The following ITPR3 variants were observed in gnomAD, a reference collection of about 807,000 sequenced individuals.
ITPR3 encodes the protein inositol 1,4,5-trisphosphate receptor type 3, also known as inositol 1,4,5-trisphosphate-gated calcium channel ITPR3.
ITPR3 carries 173 observed loss-of-function variants against 293.2 expected under a neutral mutation model. The observed-to-expected ratio is 0.59, with a 90% CI of 0.52 to 0.67. The LOEUF (loss-of-function observed/expected upper bound fraction) is 0.67. Among genes scored for constraint, ITPR3 ranks in the 30% least tolerant of loss-of-function variants. The pLI is 0.00. For synonymous variants in ITPR3, 1,295 were observed against 1,444.4 expected (o/e 0.90, Z 2.35); for missense variants, 2,796 against 3,592.1 (o/e 0.78, Z 5.66).
rs370536063 is a variant in ITPR3, at chr6:33,654,845, T to C, written c.161-921T>C. ...CTGCTTCCCAGCCCAGCCCAGGCTA[T>C]TGTCACACAGGCCCAGTCACCCACA... On this transcript the variant is annotated intron_variant, in intron 2 of 57. Coordinates refer to ENST00000605930, the MANE Select transcript of ITPR3 (RefSeq NM_002224.4). The surrounding 1 kb of genome is among the most constrained non-coding windows in gnomAD (Gnocchi z 4.1). Among the ~76,000 whole-genome samples the C allele has an allele frequency of 1.2e-4, 18 of 152,238 alleles. No homozygotes were observed. In the South Asian group the frequency reaches 3.7e-3, roughly 32 times the overall value.
Position 33,663,770 on chromosome 6 carries a change from T to C in ITPR3, c.1038T>C (p.Ala346=). Reference sequence around the variant, plus strand: ...AGGGCCGCACAGGCCGCAGGAATGCTGGGGAGAAGATCAAGTACTGCCTGG... The same window carrying C: ...AGGGCCGCACAGGCCGCAGGAATGCCGGGGAGAAGATCAAGTACTGCCTGG... ...GAQGRTGRRN[A]GEKIKYCLVA... is the part of the protein sequence containing the mutation. Residue 346 remains alanine, a synonymous_variant, in exon 11 of 58, where the codon GCT becomes GCC. Coordinates refer to ENST00000605930, the MANE Select transcript of ITPR3 (RefSeq NM_002224.4). 2 of 1,614,156 alleles carry C rather than the reference T, an allele frequency of 1.2e-6. No individual in the cohort carries two copies. Among genetic ancestry groups the C allele is most frequent in the South Asian group, 1.1e-5 (1 of 91,078 alleles).
At chr6:33,653,886 T>C (rs1434053502) in intron 2 of ITPR3, among the ~76,000 whole-genome samples, 2 of 152,034 alleles carry the variant, frequency 1.3e-5, no homozygotes, top group Non-Finnish European at 2.9e-5. Context: ...ATCCACAAAA[T>C]GATGTGGGGA....
intron 1 of ITPR3, among the ~76,000 whole-genome samples, chr6:33,640,221 G>C (rs1763916712): frequency 6.6e-6 from 1 of 152,100 alleles, no homozygotes; most frequent in Non-Finnish European, 1.5e-5. Context: ...AGTCCCCCCA[G>C]GACAGCTGCA....
rs181645216 is a variant in ITPR3 at position 33,664,550 on chromosome 6, A to G, written c.1149-320A>G. On this transcript the variant is annotated intron_variant, in intron 11 of 57. Coordinates refer to ENST00000605930, the MANE Select transcript of ITPR3 (RefSeq NM_002224.4). The surrounding 1 kb of genome is among the most constrained non-coding windows in gnomAD (Gnocchi z 4.4). ...TGTGTGCATCTTGACATTCAATGGG[A>G]TAAATAGTTAAATAGCCTCATTTGT... 6.6e-6 allele frequency among the ~76,000 whole-genome samples: 1 copy of G among 152,284 alleles called. No homozygotes were observed. The highest frequency in any genetic ancestry group is 1.9e-4 in the East Asian group (1 of 5,190).
At chr6:33,644,476 T>C (rs902607023) in intron 2 of ITPR3, among the ~76,000 whole-genome samples, 5 of 151,944 alleles carry the variant, frequency 3.3e-5, no homozygotes, top group Admixed American at 1.3e-4. Flanking sequence ...GCCCCCTACA[T>C]CTTCCTCCCT....
In ITPR3 at chr6:33,679,925, A is replaced by G; in HGVS notation, c.4016A>G (p.Lys1339Arg). The change falls in exon 31 of 58, where the codon AAG (lysine) becomes AGG (arginine). Residue 1339 changes from lysine (K) to arginine (R), a missense_variant. Lys to Arg is a conservative substitution (Grantham distance 26). Transcript: ENST00000605930. This position sits in a 1 kb window ranked among gnomAD's most constrained non-coding sequence, Gnocchi z 4.2. Reference protein sequence around the residue: ...GDDVVVFYNDKASLAHLLDMM... With the variant: ...GDDVVVFYNDRASLAHLLDMM... ...GATGTGGTCGTGTTCTACAATGATA[A>G]GGCATCGCTGGCCCACCTGCTGGAC... 15 of 1,613,748 alleles carry G rather than the reference A, an allele frequency of 9.3e-6. No homozygotes were observed. Among genetic ancestry groups the G allele is most frequent in the Non-Finnish European group, 1.3e-5 (15 of 1,179,982 alleles).
intron 2 of ITPR3, among the ~76,000 whole-genome samples, chr6:33,643,437 G>A (rs527324188): frequency 3.9e-5 from 6 of 152,312 alleles, no homozygotes; most frequent in African/African-American, 1.2e-4. Context: ...ACATGTTCAG[G>A]GAATTATTTC....
In ITPR3 at chr6:33,655,849, GAGA is replaced by G. The variant is rs747804133; in HGVS notation, c.248_250del (p.Lys83del). On this transcript the variant is annotated inframe_deletion, in exon 3 of 58. Transcript: ENST00000605930. The surrounding 1 kb of genome is among the most constrained non-coding windows in gnomAD (Gnocchi z 4.9). The stretch of plus-strand genomic sequence containing the variant: ...GGCCAAGCAGACTAAGCAGGACAAG[GAGA>G]AGATCGCTGATGTGGTGTTGCTGCA... 3 of 1,613,992 alleles carry G rather than the reference GAGA, an allele frequency of 1.9e-6. No individual in the cohort carries two copies. The African/African-American group carries it at 4.0e-5, about 22-fold the overall frequency.
At position 33,675,573 on chromosome 6, in the gene ITPR3, G is replaced by T; in HGVS notation, c.3117-118G>T. ...CAATATTTTAAACACATTTAGACTG[G>T]CCCTGCATCTGCTAATTGGGTGGCG... is the stretch of plus-strand genomic sequence containing the variant. On this transcript the variant is annotated intron_variant, in intron 24 of 57. Coordinates refer to ENST00000605930, the MANE Select transcript of ITPR3 (RefSeq NM_002224.4). This position sits in a 1 kb window ranked among gnomAD's most constrained non-coding sequence, Gnocchi z 5.0. 2 of 1,093,208 alleles carry T rather than the reference G, an allele frequency of 1.8e-6. No homozygotes were observed. Among genetic ancestry groups the T allele is most frequent in the South Asian group, 3.2e-5 (2 of 62,144 alleles). The allele number at this position is 1,093,208 out of a possible 1,614,324, so 67.7% of individuals were successfully genotyped here.
intron 24 of ITPR3, among the ~76,000 whole-genome samples, 198 bp downstream of exon 24, chr6:33,674,463 C>T (rs972183336): frequency 1.3e-5 from 2 of 152,240 alleles, no homozygotes; most frequent in African/African-American, 4.8e-5. Context: ...GGTTCCCAGT[C>T]ATCCCGTCAT....
rs1351581317 is a variant in ITPR3, at chr6:33,675,752, A to G, written c.3178A>G (p.Ile1060Val). The change falls in exon 25 of 58, where the codon ATC (isoleucine) becomes GTC (valine). Residue 1060 changes from isoleucine to valine, a missense_variant. Coordinates refer to ENST00000605930, the MANE Select transcript of ITPR3 (RefSeq NM_002224.4). This position sits in a 1 kb window ranked among gnomAD's most constrained non-coding sequence, Gnocchi z 5.0. The stretch of plus-strand genomic sequence containing the variant: ...CGGCCGCATGTTCCTGCGCGTGCTC[A>G]TCCACCTCACCATGCACGACTATGC... The part of the protein sequence containing the change: ...EGGRMFLRVL[I>V]HLTMHDYAPL... 2 of 1,613,092 alleles carry G rather than the reference A, an allele frequency of 1.2e-6. No individual in the cohort carries two copies. Among genetic ancestry groups the G allele is most frequent in the Non-Finnish European group, 1.7e-6 (2 of 1,179,916 alleles).
In ITPR3 at chr6:33,691,715, G is replaced by A; in HGVS notation, c.7326G>A (p.Leu2442=). The change falls in exon 53 of 58, where the codon CTG becomes CTA. Residue 2442 remains leucine, a synonymous_variant. Transcript: ENST00000605930. This position sits in a 1 kb window ranked among gnomAD's most constrained non-coding sequence, Gnocchi z 4.9. ...CVSGLSVPEV[L]EEDRELDSTE... Reference sequence around the variant, plus strand: ...CAGGGCTCTCGGTGCCTGAGGTCCTGGAAGGTGAGGGTGGTGTGTGTGCAG... The same window carrying A: ...CAGGGCTCTCGGTGCCTGAGGTCCTAGAAGGTGAGGGTGGTGTGTGTGCAG... 6.2e-7 allele frequency: 1 copy of A among 1,614,088 alleles called. No homozygotes were observed. The highest frequency in any genetic ancestry group is 8.5e-7 in the Non-Finnish European group (1 of 1,179,988).
chr6:33,621,614 G>A lies in ITPR3; in HGVS notation c.12G>A (p.Met4Ile), dbSNP rs773041390. Residue 4 changes from methionine to isoleucine, a missense_variant, in exon 1 of 58, where the codon ATG (methionine) becomes ATA (isoleucine). Transcript: ENST00000605930. The surrounding 1 kb of genome is among the most constrained non-coding windows in gnomAD (Gnocchi z 7.7). MSEMSSFLHIGDIV... is the reference protein window; with the variant it reads MSEISSFLHIGDIV... ...GGAGGGCCGCAGCCATGAGTGAAAT[G>A]TCCAGCTTTCTTCACATCGGGGACA... The A allele has an allele frequency of 2.6e-5, 41 of 1,601,942 alleles. No homozygotes were observed. Among genetic ancestry groups the A allele is most frequent in the African/African-American group, 8.0e-5 (6 of 74,810 alleles).
chr6:33,634,251 GT>G (rs1455441731), intron 1 of ITPR3, among the ~76,000 whole-genome samples: 1 of 151,990 alleles, frequency 6.6e-6, no homozygotes, highest in Non-Finnish European at 1.5e-5. Flanking sequence ...CACACACCAG[GT>G]GGGGGCTGCG....
At chr6:33,635,930 T>A (rs1331200346) in intron 1 of ITPR3, among the ~76,000 whole-genome samples, 2 of 151,828 alleles carry the variant, frequency 1.3e-5, no homozygotes, top group Non-Finnish European at 2.9e-5. Flanking sequence ...TTGGTTTTAT[T>A]CTGAGATGGG....
chr6:33,662,993 A>G lies in ITPR3; in HGVS notation c.941A>G (p.Tyr314Cys). 2 of 1,599,604 alleles carry G rather than the reference A, an allele frequency of 1.3e-6. No individual in the cohort carries two copies. Among genetic ancestry groups the G allele is most frequent in the South Asian group, 2.3e-5 (2 of 88,546 alleles). ...TTCAAGCACCTGGCTACAGGCAACT[A>G]CCTGGCTGCTGAGGTGAGCGGGAGG... ...YRFKHLATGN[Y>C]LAAEENPSYK... is the part of the protein sequence containing the mutation. Residue 314 changes from tyrosine (Y) to cysteine (C), a missense_variant, in exon 9 of 58, where the codon TAC becomes TGC. Tyr to Cys is a radical substitution (Grantham distance 194). Transcript: ENST00000605930.
At chr6:33,662,815 G>T in intron 8 of ITPR3, 96 bp from the exon 9 acceptor site, 1 of 1,495,432 alleles carries the variant, frequency 6.7e-7, no homozygotes. Flanking sequence ...AGAGGGTCCA[G>T]AACCCACCCA....
chr6:33,685,280 T>C, intron 39 of ITPR3, 79 bp from the exon 40 acceptor site: 1 of 1,373,872 alleles, frequency 7.3e-7, no homozygotes, highest in Non-Finnish European at 1.0e-6. Flanking sequence ...GCCCCAGCAG[T>C]GTGGTGTGCC....
chr6:33,690,036 G>T lies in ITPR3; in HGVS notation c.6870G>T (p.Leu2290=). 2 of 1,614,186 alleles carry T rather than the reference G, an allele frequency of 1.2e-6. No individual in the cohort carries two copies. The highest frequency in any genetic ancestry group is 2.2e-5 in the East Asian group (1 of 44,890). ...TCATGCCTTGCACTCGCCCCCAGCT[G>T]ACCAACAAGATCGTGTTTGTGGTGA... ...PTLNILGALN[L]TNKIVFVVSF... is the part of the protein sequence containing the mutation. Residue 2290 remains leucine (L), a splice_region_variant and synonymous_variant, in exon 51 of 58, where the codon CTG becomes CTT. Coordinates refer to ENST00000605930, the MANE Select transcript of ITPR3 (RefSeq NM_002224.4).
Sources: gnomAD v4.1 joint callset for allele counts (sites outside exome capture counted in the v4.1 genomes callset) on GRCh38, gnomAD v4.1.1 for gene constraint, Gnocchi (gnomAD v3.1) non-coding constraint, MANE v1.5 for transcripts, NCBI Gene and HGNC (gene_info 2026-07-23, HGNC 2026-07-21) for gene names.